The following STARD13 variants were observed in gnomAD, a reference collection of about 807,000 sequenced individuals.
STARD13 encodes the protein stAR-related lipid transfer protein 13.
In STARD13, 62 loss-of-function variants were observed where a neutral mutation model predicts 106.4. That is an observed-to-expected ratio of 0.58 (90% CI 0.48 to 0.72). The LOEUF is 0.72. Among genes scored for constraint, STARD13 ranks in the 30% least tolerant of loss-of-function variants. STARD13 has a pLI of 0.00. For missense variants in STARD13, 1,387 were observed against 1,424.0 expected, an observed-to-expected ratio of 0.97 and a Z score of 0.42; for synonymous variants, 565 against 553.0, an observed-to-expected ratio of 1.02 and a Z score of -0.31.
chr13:33,247,393 G>C (rs2138272087), intron 1 of STARD13, among the ~76,000 whole-genome samples: 1 of 152,096 alleles, frequency 6.6e-6, no homozygotes, highest in South Asian at 2.1e-4. Context: ...GATGAGCACT[G>C]TGCTCAGATG....
upstream of STARD13, among the ~76,000 whole-genome samples, chr13:33,353,313 A>G (rs2078097139): frequency 6.6e-6 from 1 of 152,212 alleles, no homozygotes; most frequent in South Asian, 2.1e-4. Context: ...TGCCAAGGTC[A>G]CCAATAATCA....
the STARD13 span, among the ~76,000 whole-genome samples, chr13:33,376,000 A>T: frequency 6.6e-6 from 1 of 152,164 alleles, no homozygotes; most frequent in Non-Finnish European, 1.5e-5. Context: ...ACTTAATATT[A>T]AGTAATATGG....
the STARD13 span, among the ~76,000 whole-genome samples, chr13:33,459,799 T>C: frequency 6.6e-6 from 1 of 152,220 alleles, no homozygotes; most frequent in Non-Finnish European, 1.5e-5. Context: ...CATTATTTCA[T>C]GTTTATTTGA....
the STARD13 span, among the ~76,000 whole-genome samples, chr13:33,582,686 A>G: frequency 6.6e-6 from 1 of 152,214 alleles, no homozygotes; most frequent in African/African-American, 2.4e-5. Flanking sequence ...GTTGTTCTGG[A>G]ACATAAATCA....
At position 33,207,579 on chromosome 13, in the gene STARD13, C is replaced by T. The variant is rs193224555; in HGVS notation, c.170-39957G>A. Among the ~76,000 whole-genome samples, 5 of 152,266 alleles carry T rather than the reference C, an allele frequency of 3.3e-5. No homozygotes were observed. The South Asian group carries it at 6.2e-4, about 19-fold the overall frequency. On this transcript the variant is annotated intron_variant, in intron 1 of 13. Transcript: ENST00000336934. ...CTTTCTGAGTAACTGAAAAGTAACA[C>T]GAGAGATTTTGTTCAGGGTCCCCTG...
At chr13:33,513,034 T>C in the STARD13 span, among the ~76,000 whole-genome samples, 1 of 152,172 alleles carries the variant, frequency 6.6e-6, no homozygotes, top group Non-Finnish European at 1.5e-5. Flanking sequence ...CTTGTTTATA[T>C]ATTGTCTACA....
At chr13:33,292,054 A>G (rs1333881099) in intron 1 of STARD13, among the ~76,000 whole-genome samples, 1 of 152,174 alleles carries the variant, frequency 6.6e-6, no homozygotes, top group Non-Finnish European at 1.5e-5. Context: ...TATAAAAGTA[A>G]AAAATAAACA....
the STARD13 span, among the ~76,000 whole-genome samples, chr13:33,394,177 G>A: frequency 6.6e-6 from 1 of 151,610 alleles, no homozygotes; most frequent in African/African-American, 2.4e-5. Context: ...TAATTTTTAT[G>A]GCCCATTGTC....
At chr13:33,579,613 A>G in the STARD13 span, among the ~76,000 whole-genome samples, 2 of 150,832 alleles carry the variant, frequency 1.3e-5, no homozygotes, top group African/African-American at 4.9e-5. Flanking sequence ...AACCACTTGT[A>G]CTCAAAAAGC....
the STARD13 span, among the ~76,000 whole-genome samples, chr13:33,389,060 A>G: frequency 6.7e-6 from 1 of 149,900 alleles, no homozygotes; most frequent in Non-Finnish European, 1.5e-5. Context: ...GGTTCAAGCG[A>G]TTCTCCTGCC....
the STARD13 span, among the ~76,000 whole-genome samples, chr13:33,546,059 G>A: frequency 6.6e-6 from 1 of 152,010 alleles, no homozygotes; most frequent in East Asian, 1.9e-4. Flanking sequence ...ATTTATCCTG[G>A]CTAATTTCAT....
chr13:33,254,822 C>T (rs1195630526), intron 1 of STARD13, among the ~76,000 whole-genome samples: 1 of 152,136 alleles, frequency 6.6e-6, no homozygotes, highest in Non-Finnish European at 1.5e-5. Flanking sequence ...CCACTCCAAC[C>T]CCTCTTTGGC....
intron 1 of STARD13, among the ~76,000 whole-genome samples, chr13:33,215,988 A>G (rs1873728553): frequency 1.3e-5 from 2 of 152,236 alleles, no homozygotes; most frequent in Non-Finnish European, 2.9e-5. Flanking sequence ...TGATCAGGGA[A>G]TGCAAATCTT....
the STARD13 span, among the ~76,000 whole-genome samples, chr13:33,519,208 T>TTTCTCCC: frequency 3.0e-5 from 3 of 101,530 alleles, no homozygotes; most frequent in African/African-American, 9.2e-5. Flanking sequence ...CTTGGTAATT[T>TTTCTCCC]TTTCTTTCTT....
chr13:33,540,668 C>A, the STARD13 span, among the ~76,000 whole-genome samples: 1 of 152,168 alleles, frequency 6.6e-6, no homozygotes, highest in Non-Finnish European at 1.5e-5. Context: ...TGAGTGCAGA[C>A]ACAAATAGAT....
the STARD13 span, among the ~76,000 whole-genome samples, chr13:33,549,925 ATTC>A: frequency 6.6e-6 from 1 of 152,202 alleles, no homozygotes; most frequent in African/African-American, 2.4e-5. Flanking sequence ...AAACATGGGC[ATTC>A]TTCGTGCTAA....
At chr13:33,454,111 C>G in the STARD13 span, among the ~76,000 whole-genome samples, 1 of 152,216 alleles carries the variant, frequency 6.6e-6, no homozygotes, top group African/African-American at 2.4e-5. Context: ...CTACAGGGTG[C>G]TTCTGCCTCT....
intron 1 of STARD13, among the ~76,000 whole-genome samples, chr13:33,260,768 A>T (rs1320913392): frequency 1.3e-5 from 2 of 152,202 alleles, no homozygotes; most frequent in African/African-American, 2.4e-5. Flanking sequence ...CATAAGTTTG[A>T]CTTTGAAACT....
the STARD13 span, chr13:33,654,794 C>T: frequency 6.6e-6 from 1 of 152,226 alleles, no homozygotes; most frequent in Non-Finnish European, 1.5e-5. Flanking sequence ...GGAAATACTT[C>T]TGTCTGATTT....
Sources: gnomAD v4.1 joint callset for allele counts (sites outside exome capture counted in the v4.1 genomes callset) on GRCh38, gnomAD v4.1.1 for gene constraint, MANE v1.5 for transcripts, NCBI Gene and HGNC (gene_info 2026-07-23, HGNC 2026-07-21) for gene names.